Variants in NRXN1 observed in about 807,000 individuals in gnomAD.
NRXN1 encodes the protein neurexin 1.
Under a neutral mutation model 150.9 loss-of-function variants are expected in NRXN1, and 39 were observed. The ratio of observed to expected loss-of-function variants is 0.26; its 90% CI spans 0.20 to 0.34. The LOEUF (loss-of-function observed/expected upper bound fraction) is 0.34. NRXN1 is among the 10% of genes least tolerant of loss of function. The pLI, the probability that NRXN1 is intolerant of heterozygous loss-of-function variation, is 1.00. For synonymous variants in NRXN1, 924 were observed against 757.0 expected, an observed-to-expected ratio of 1.22 and a Z score of -3.62; for missense variants, 1,815 against 1,949.9, an observed-to-expected ratio of 0.93 and a Z score of 1.30.
intron 2 of NRXN1, among the ~76,000 whole-genome samples, chr2:51,015,521 G>C (rs1244719193): frequency 1.3e-5 from 2 of 152,022 alleles, no homozygotes; most frequent in Non-Finnish European, 2.9e-5. Flanking sequence ...AACATGAACA[G>C]CTCCCAGCTA....
intron 8 of NRXN1, among the ~76,000 whole-genome samples, chr2:50,594,999 TAAAA>T (rs767429102): frequency 7.4e-6 from 1 of 135,312 alleles, no homozygotes; most frequent in Non-Finnish European, 1.6e-5. Context: ...CCTCTCTTCT[TAAAA>T]AAAAAAAAAA....
intron 5 of NRXN1, among the ~76,000 whole-genome samples, chr2:50,894,970 C>T (rs1302736159): frequency 6.6e-6 from 1 of 152,026 alleles, no homozygotes; most frequent in Non-Finnish European, 1.5e-5. Flanking sequence ...CATGTTATTC[C>T]ATATCTCATG....
Position 50,352,776 on chromosome 2 carries a change from T to TAATATAATAATAATA in NRXN1, c.3364+112665_3364+112666insTATTATTATTATATT, listed in dbSNP as rs1478736717. On this transcript the variant is annotated intron_variant, in intron 17 of 22. Transcript: ENST00000401669. ...TTGATAATAATAATAATAATAATAA[T>TAATATAATAATAATA]ATTATAATAATAATAATAATAATAA... 5.5e-3 allele frequency among the ~76,000 whole-genome samples: 462 copies of TAATATAATAATAATA among 84,004 alleles called. 2 individuals are homozygous for TAATATAATAATAATA. Among genetic ancestry groups the TAATATAATAATAATA allele is most frequent in the Middle Eastern group, 0.013 (2 of 156 alleles). 55.1% of individuals were successfully genotyped at this position (84,004 alleles called of 152,430 possible).
intron 19 of NRXN1, among the ~76,000 whole-genome samples, chr2:50,086,869 A>G (rs1698862145): frequency 6.6e-6 from 1 of 150,776 alleles, no homozygotes; most frequent in Non-Finnish European, 1.5e-5. Flanking sequence ...AAATGCGGGC[A>G]TGTCTCTCCT....
chr2:50,959,961 G>A (rs533628367), intron 2 of NRXN1, among the ~76,000 whole-genome samples: 6 of 151,948 alleles, frequency 3.9e-5, no homozygotes, highest in Non-Finnish European at 7.4e-5. Flanking sequence ...ATTACTTATA[G>A]TCCTGGACTG....
chr2:50,413,542 T>C (rs1235296141), intron 17 of NRXN1, among the ~76,000 whole-genome samples: 2 of 151,982 alleles, frequency 1.3e-5, no homozygotes, highest in African/African-American at 4.8e-5. Context: ...CAAATGCCTG[T>C]GAGGATGTGG....
At position 50,690,731 on chromosome 2, in the gene NRXN1, G is replaced by A. The variant is rs999492335; in HGVS notation, c.833-67116C>T. 2.6e-4 allele frequency among the ~76,000 whole-genome samples: 39 copies of A among 152,198 alleles called. No individual in the cohort carries two copies. The East Asian group carries it at 3.9e-3, about 15-fold the overall frequency. ...TGTAGCACAGACCTGATCAAACTCC[G>A]GGATTCAAAATGATAATTTATTTGG... On this transcript the variant is annotated intron_variant, in intron 5 of 22. Coordinates refer to ENST00000401669, the MANE Select transcript of NRXN1 (RefSeq NM_001330078.2).
chr2:50,560,775 A>G (rs1668953617), intron 8 of NRXN1, among the ~76,000 whole-genome samples: 1 of 152,184 alleles, frequency 6.6e-6, no homozygotes, highest in African/African-American at 2.4e-5. Flanking sequence ...TTGAAAAATA[A>G]GAGTGTTTTG....
chr2:50,504,986 C>T (rs1023921751), intron 13 of NRXN1, among the ~76,000 whole-genome samples: 5 of 152,106 alleles, frequency 3.3e-5, no homozygotes, highest in African/African-American at 1.2e-4. Flanking sequence ...AACCAAGTTC[C>T]TTAACTTCTC....
intron 21 of NRXN1, among the ~76,000 whole-genome samples, chr2:49,956,015 T>C (rs978452107): frequency 1.3e-5 from 2 of 152,140 alleles, no homozygotes; most frequent in African/African-American, 2.4e-5. Flanking sequence ...TCTTTTGGGT[T>C]TGGAGAAGGC....
chr2:50,628,462 C>T (rs1314006393), intron 5 of NRXN1, among the ~76,000 whole-genome samples: 2 of 151,642 alleles, frequency 1.3e-5, no homozygotes, highest in Admixed American at 1.3e-4. Context: ...ATATTTCTTC[C>T]TATGTTCTTT....
intron 17 of NRXN1, among the ~76,000 whole-genome samples, chr2:50,411,142 T>G (rs2083128945): frequency 6.7e-6 from 1 of 150,140 alleles, no homozygotes; most frequent in Admixed American, 6.7e-5. Context: ...TTCTCCTGCC[T>G]CAGCCTGCCC....
chr2:50,542,402 T>A (rs1411977810), intron 9 of NRXN1, among the ~76,000 whole-genome samples: 1 of 152,158 alleles, frequency 6.6e-6, no homozygotes, highest in African/African-American at 2.4e-5. Context: ...AGAACTTAAA[T>A]TGAGCTCTGG....
At chr2:50,166,148 T>C (rs941369726) in intron 18 of NRXN1, among the ~76,000 whole-genome samples, 2 of 152,140 alleles carry the variant, frequency 1.3e-5, no homozygotes, top group South Asian at 2.1e-4. Context: ...ATTGAAACAT[T>C]TTGGATTTTG....
intron 21 of NRXN1, among the ~76,000 whole-genome samples, chr2:49,980,263 C>T (rs1042054460): frequency 6.6e-6 from 1 of 152,116 alleles, no homozygotes; most frequent in African/African-American, 2.4e-5. Flanking sequence ...TGGGCCCTTC[C>T]ATGGAGACTG....
intron 19 of NRXN1, among the ~76,000 whole-genome samples, chr2:50,070,743 C>G (rs1696145578): frequency 7.7e-6 from 1 of 130,556 alleles, no homozygotes; most frequent in Non-Finnish European, 1.5e-5. Context: ...GCACTCCAGC[C>G]TGGGCGACAG....
chr2:50,127,220 T>A (rs1704727179), intron 18 of NRXN1, among the ~76,000 whole-genome samples: 1 of 152,144 alleles, frequency 6.6e-6, no homozygotes, highest in African/African-American at 2.4e-5. Context: ...TGAGGGAATC[T>A]TAAAAGGGCA....
chr2:50,954,127 G>C (rs1301719687), intron 2 of NRXN1, among the ~76,000 whole-genome samples: 2 of 152,090 alleles, frequency 1.3e-5, no homozygotes, highest in African/African-American at 4.8e-5. Flanking sequence ...TCCTCTCTCT[G>C]AGTAGAAATA....
intron 17 of NRXN1, among the ~76,000 whole-genome samples, chr2:50,380,544 G>A (rs1348631983): frequency 4.6e-5 from 7 of 152,078 alleles, no homozygotes; most frequent in Admixed American, 4.6e-4. Context: ...TTCTGGCTCA[G>A]CCACTTACTA....
Sources: allele counts gnomAD v4.1 joint callset (sites outside exome capture counted in the v4.1 genomes callset), GRCh38; gene constraint gnomAD v4.1.1; transcripts MANE v1.5; gene names NCBI Gene and HGNC (gene_info 2026-07-23, HGNC 2026-07-21).